The following ANKFN1 variants were observed in gnomAD, a reference collection of about 807,000 sequenced individuals.
The protein encoded by ANKFN1 is ankyrin repeat and fibronectin type-III domain-containing protein 1.
In ANKFN1, 74 loss-of-function variants were observed where a neutral mutation model predicts 108.7. The observed-to-expected ratio is 0.68, with a 90% CI of 0.56 to 0.83. ANKFN1 has a LOEUF of 0.83. ANKFN1 is among the 40% of genes least tolerant of loss of function. The pLI, the probability that ANKFN1 is intolerant of heterozygous loss-of-function variation, is 0.00. For missense variants in ANKFN1, 1,505 were observed against 1,382.3 expected, an observed-to-expected ratio of 1.09 and a Z score of -1.41; for synonymous variants, 547 against 516.2, an observed-to-expected ratio of 1.06 and a Z score of -0.81.
At chr17:56,213,981 T>C (rs1035113187) in intron 2 of ANKFN1, among the ~76,000 whole-genome samples, 1 of 152,164 alleles carries the variant, frequency 6.6e-6, no homozygotes, top group African/African-American at 2.4e-5. Flanking sequence ...AAGAGAGTAG[T>C]ATGGCAGAAA....
At chr17:56,416,599 T>A (rs2048246777) in intron 8 of ANKFN1, among the ~76,000 whole-genome samples, 1 of 152,224 alleles carries the variant, frequency 6.6e-6, no homozygotes, top group Non-Finnish European at 1.5e-5. Context: ...CCTCGTACGC[T>A]GTTGGTGGGA....
intron 2 of ANKFN1, among the ~76,000 whole-genome samples, chr17:56,218,062 C>T (rs776406674): frequency 6.6e-6 from 1 of 152,160 alleles, no homozygotes; most frequent in Non-Finnish European, 1.5e-5. Context: ...ACAAAATCTT[C>T]TCTCATATTG....
intron 3 of ANKFN1, 109 bp from the exon 4 acceptor site, chr17:56,326,112 T>C: frequency 7.0e-7 from 1 of 1,422,916 alleles, no homozygotes; most frequent in African/African-American, 1.4e-5. Context: ...TCTCCCTTTC[T>C]CTCCCTATGC....
chr17:56,216,373 T>A (rs1915426551), intron 2 of ANKFN1, among the ~76,000 whole-genome samples: 1 of 152,238 alleles, frequency 6.6e-6, no homozygotes, highest in Admixed American at 6.5e-5. Context: ...TCTGTGAGTC[T>A]GTATTGTCAG....
intron 1 of ANKFN1, among the ~76,000 whole-genome samples, chr17:56,167,558 G>A (rs1910267000): frequency 6.6e-6 from 1 of 151,694 alleles, no homozygotes; most frequent in Non-Finnish European, 1.5e-5. Flanking sequence ...GATGACTTTG[G>A]GTGAGTTACC....
Position 56,415,875 on chromosome 17 carries a change from A to C in ANKFN1, c.911-24452A>C, listed in dbSNP as rs569597966. 9.8e-4 allele frequency among the ~76,000 whole-genome samples: 149 copies of C among 152,332 alleles called. 1 individual carries two copies. The highest frequency in any genetic ancestry group is 3.3e-3 in the African/African-American group (139 of 41,584). On this transcript the variant is annotated intron_variant, in intron 8 of 20. Transcript: ENST00000682825. ...TGGCATAAAAACAGACACATAGACC[A>C]ATGGAATAGAATACATAATCCAGAA...
chr17:56,208,426 C>G (rs952145922), intron 1 of ANKFN1, among the ~76,000 whole-genome samples: 1 of 152,196 alleles, frequency 6.6e-6, no homozygotes, highest in African/African-American at 2.4e-5. Flanking sequence ...TTCACCCCCT[C>G]CCTGCCCCTC....
At chr17:56,078,414 G>A (rs1218141053) in intron 4 of ANKFN1, among the ~76,000 whole-genome samples, 1 of 151,974 alleles carries the variant, frequency 6.6e-6, no homozygotes, top group African/African-American at 2.4e-5. Flanking sequence ...AAAATTGCAG[G>A]AAAAAAATGG....
At chr17:56,179,120 A>C (rs1911443685) in intron 1 of ANKFN1, among the ~76,000 whole-genome samples, 1 of 152,066 alleles carries the variant, frequency 6.6e-6, no homozygotes, top group Admixed American at 6.6e-5. Context: ...GATGTCATTC[A>C]CCCTCCTCTG....
At chr17:56,287,555 C>T (rs1410682766) in intron 3 of ANKFN1, among the ~76,000 whole-genome samples, 1 of 152,164 alleles carries the variant, frequency 6.6e-6, no homozygotes, top group Non-Finnish European at 1.5e-5. Context: ...TGATACACTA[C>T]ATTTAGAGCC....
intron 3 of ANKFN1, among the ~76,000 whole-genome samples, chr17:56,229,661 CAAAAAAA>C (rs58714064): frequency 8.0e-4 from 32 of 40,192 alleles, no homozygotes; most frequent in East Asian, 5.4e-3. Context: ...TTTCAGATTG[CAAAAAAA>C]AAAAAAAAAA....
Position 56,482,532 on chromosome 17 carries a change from A to G in ANKFN1, c.2260+8A>G, listed in dbSNP as rs781632516. 1 of 1,609,918 alleles carries G rather than the reference A, an allele frequency of 6.2e-7. No homozygotes were observed. Among genetic ancestry groups the G allele is most frequent in the Non-Finnish European group, 8.5e-7 (1 of 1,178,260 alleles). Reference sequence around the variant, plus strand: ...TTCAGATGTTTGAACTTGGTATAGTAGCTTGTTTCACCTAGAAATATTAAC... The same window carrying G: ...TTCAGATGTTTGAACTTGGTATAGTGGCTTGTTTCACCTAGAAATATTAAC... On this transcript the variant is annotated splice_region_variant and intron_variant, in intron 18 of 20. Coordinates refer to ENST00000682825, the MANE Select transcript of ANKFN1 (RefSeq NM_001370326.1).
At chr17:56,347,008 A>G (rs1256686402) in intron 4 of ANKFN1, among the ~76,000 whole-genome samples, 4 of 151,804 alleles carry the variant, frequency 2.6e-5, no homozygotes, top group Admixed American at 2.6e-4. Flanking sequence ...AAAAGACAAT[A>G]TTAGGACATT....
chr17:56,228,217 G>T, intron 3 of ANKFN1: 1 of 389,470 alleles, frequency 2.6e-6, no homozygotes, highest in Non-Finnish European at 4.6e-6. Context: ...TAAAAAAATA[G>T]GCAATATTCA....
intron 1 of ANKFN1, among the ~76,000 whole-genome samples, chr17:56,202,014 T>C (rs189751756): frequency 2.0e-5 from 3 of 152,292 alleles, no homozygotes; most frequent in Admixed American, 2.0e-4. Flanking sequence ...CAGAGATGCT[T>C]CTGGAGGCAA....
intron 1 of ANKFN1, among the ~76,000 whole-genome samples, chr17:56,205,649 T>C (rs1045437911): frequency 5.3e-5 from 8 of 152,222 alleles, no homozygotes; most frequent in African/African-American, 1.9e-4. Context: ...CAAGGAGAAA[T>C]TTCTGATTTT....
intron 3 of ANKFN1, among the ~76,000 whole-genome samples, chr17:56,270,259 G>C (rs1013984724): frequency 6.6e-6 from 1 of 152,140 alleles, no homozygotes; most frequent in African/African-American, 2.4e-5. Context: ...CTTCACAAAG[G>C]GAGCCTGAAG....
At position 56,504,829 on chromosome 17, in the gene ANKFN1, A is replaced by ATT. The variant is rs5821133; in HGVS notation, c.2645-5622_2645-5621dup. 5.9e-4 allele frequency among the ~76,000 whole-genome samples: 69 copies of ATT among 116,462 alleles called. 1 individual carries two copies. The highest frequency in any genetic ancestry group is 2.0e-3 in the African/African-American group (60 of 30,608). The allele number at this position is 116,462 out of a possible 152,430, so 76.4% of individuals were successfully genotyped here. ...ACCACCACACCTGGCTAATTTTTGG[A>ATT]TTTTTTTTTTTTTTTTTTTTTTTAG... On this transcript the variant is annotated intron_variant, in intron 20 of 20. Coordinates refer to ENST00000682825, the MANE Select transcript of ANKFN1 (RefSeq NM_001370326.1).
At chr17:56,104,952 G>A (rs1361855686) in intron 4 of ANKFN1, among the ~76,000 whole-genome samples, 1 of 152,218 alleles carries the variant, frequency 6.6e-6, no homozygotes, top group African/African-American at 2.4e-5. Context: ...AATCAAAGAT[G>A]AGTGAGAGGT....
Sources: gnomAD v4.1 joint callset for allele counts (sites outside exome capture counted in the v4.1 genomes callset) on GRCh38, gnomAD v4.1.1 for gene constraint, MANE v1.5 for transcripts, NCBI Gene and HGNC (gene_info 2026-07-23, HGNC 2026-07-21) for gene names.